The following PDE11A variants were observed in gnomAD, a reference collection of about 807,000 sequenced individuals.
PDE11A encodes dual 3',5'-cyclic-AMP and -GMP phosphodiesterase 11A.
In PDE11A, 100 loss-of-function variants were observed where a neutral mutation model predicts 100.5. That is an observed-to-expected ratio of 1.00 (90% confidence interval 0.85 to 1.18). PDE11A has a LOEUF of 1.18. PDE11A is among the 50% of genes most tolerant of loss of function. The probability of loss-of-function intolerance (pLI) is 0.00; values close to 1 mark genes in which losing one functional copy is unlikely to be tolerated. For synonymous variants in PDE11A, 381 were observed against 420.8 expected (o/e 0.91, Z 1.16); for missense variants, 1,141 against 1,152.6 (o/e 0.99, Z 0.15).
In PDE11A at chr2:177,733,696, C is replaced by T. The variant is rs545686114; in HGVS notation, c.1789-5524G>A. On this transcript the variant is annotated intron_variant, in intron 10 of 19. Coordinates refer to ENST00000286063, the MANE Select transcript of PDE11A (RefSeq NM_016953.4). ...CAAAAAGCAGTAGTCAGGAGCCTTA[C>T]GATTCTGGGATTAATGGAGACAGGA... is the stretch of plus-strand genomic sequence containing the variant. 2.6e-5 allele frequency among the ~76,000 whole-genome samples: 4 copies of T among 152,240 alleles called. No individual in the cohort carries two copies. The East Asian group carries it at 7.7e-4, about 29-fold the overall frequency.
chr2:177,728,308 TC>T, intron 10 of PDE11A, 136 bp from the exon 11 acceptor site: 1 of 583,898 alleles, frequency 1.7e-6, no homozygotes, highest in Non-Finnish European at 3.1e-6. Flanking sequence ...ACAGCTAAAC[TC>T]TGAGCTGTAA....
In PDE11A at chr2:177,937,069, C is replaced by T. The variant is rs573735657; in HGVS notation, c.1072-31882G>A. Among the ~76,000 whole-genome samples the T allele has an allele frequency of 2.0e-5, 3 of 152,036 alleles. No homozygotes were observed. The South Asian group carries it at 6.2e-4, about 32-fold the overall frequency. On this transcript the variant is annotated intron_variant, in intron 2 of 19. Coordinates refer to ENST00000286063, the MANE Select transcript of PDE11A (RefSeq NM_016953.4). ...CTATGCCCCTAAAATATTTGTGAGG[C>T]ATCTCTTTACACATTTCAACAGAAG...
chr2:177,725,088 C>T (rs2081581572), intron 12 of PDE11A, among the ~76,000 whole-genome samples: 1 of 152,076 alleles, frequency 6.6e-6, no homozygotes, highest in Non-Finnish European at 1.5e-5. Context: ...CTTTTAGAAT[C>T]TTCAGGAGTG....
intron 15 of PDE11A, among the ~76,000 whole-genome samples, chr2:177,684,102 G>T (rs1272030137): frequency 6.6e-6 from 1 of 152,136 alleles, no homozygotes; most frequent in African/African-American, 2.4e-5. Flanking sequence ...TCACTACATA[G>T]AAATTCATCT....
chr2:177,930,040 T>C (rs895726392), intron 2 of PDE11A, among the ~76,000 whole-genome samples: 17 of 152,376 alleles, frequency 1.1e-4, no homozygotes, highest in Middle Eastern at 3.4e-3. Flanking sequence ...TCAGTATCTG[T>C]ATGTGATTTG....
At chr2:177,637,573 A>G (rs143865016) in intron 19 of PDE11A, among the ~76,000 whole-genome samples, 201 of 151,696 alleles carry the variant, frequency 1.3e-3, no homozygotes, top group Middle Eastern at 3.4e-3. Flanking sequence ...CCAAGTTTTA[A>G]AAGTGCTGGT....
At chr2:177,854,411 T>C (rs1425000703) in intron 5 of PDE11A, among the ~76,000 whole-genome samples, 1 of 152,160 alleles carries the variant, frequency 6.6e-6, no homozygotes, top group Non-Finnish European at 1.5e-5. Context: ...ATTTGGAAGA[T>C]ACACAACTTC....
intron 12 of PDE11A, among the ~76,000 whole-genome samples, chr2:177,724,381 A>T (rs574480647): frequency 1.3e-5 from 2 of 152,162 alleles, no homozygotes; most frequent in African/African-American, 4.8e-5. Context: ...ATGAACCTGA[A>T]TACTTTTGCA....
chr2:177,927,906 A>G (rs1298687317), intron 2 of PDE11A, among the ~76,000 whole-genome samples: 1 of 152,040 alleles, frequency 6.6e-6, no homozygotes, highest in Non-Finnish European at 1.5e-5. Context: ...GGACTTCGAG[A>G]TCAGCCTGAC....
At chr2:177,955,178 C>A (rs942100009) in intron 2 of PDE11A, among the ~76,000 whole-genome samples, 1 of 152,168 alleles carries the variant, frequency 6.6e-6, no homozygotes, top group Admixed American at 6.5e-5. Flanking sequence ...TCTGTAACTA[C>A]AAGAGTCATC....
chr2:177,906,953 T>C (rs1398540811), intron 2 of PDE11A, among the ~76,000 whole-genome samples: 1 of 152,200 alleles, frequency 6.6e-6, no homozygotes, highest in Non-Finnish European at 1.5e-5. Context: ...AGGAGGAGAC[T>C]TATTTTAACT....
intron 2 of PDE11A, among the ~76,000 whole-genome samples, chr2:178,099,446 GAA>G (rs201692711): frequency 5.9e-5 from 5 of 84,554 alleles, no homozygotes; most frequent in African/African-American, 2.2e-4. Context: ...CATCTCAAGA[GAA>G]AAAAAAAAAA....
chr2:177,902,349 C>G (rs1210540674), intron 3 of PDE11A, among the ~76,000 whole-genome samples: 2 of 152,182 alleles, frequency 1.3e-5, no homozygotes, highest in African/African-American at 4.8e-5. Context: ...CCTTTGCTGA[C>G]TCCTTTTTCA....
At position 178,013,911 on chromosome 2, in the gene PDE11A, T is replaced by C. The variant is rs1430542810; in HGVS notation, c.1071+391A>G. On this transcript the variant is annotated intron_variant, in intron 2 of 19. Coordinates refer to ENST00000286063, the MANE Select transcript of PDE11A (RefSeq NM_016953.4). ...TAAGAACTGAGAAAACAATTCTTTG[T>C]TGTAGTTATAAAAATATAGGAGAAA... 4.6e-5 allele frequency among the ~76,000 whole-genome samples: 7 copies of C among 152,178 alleles called. No individual in the cohort carries two copies. The East Asian group carries it at 1.3e-3, about 29-fold the overall frequency.
intron 13 of PDE11A, among the ~76,000 whole-genome samples, chr2:177,707,570 T>G (rs2105419071): frequency 6.6e-6 from 1 of 152,342 alleles, no homozygotes; most frequent in Non-Finnish European, 1.5e-5. Flanking sequence ...GTAGACTGGT[T>G]TTCTTGTTTT....
chr2:177,718,524 G>A (rs560533446), intron 12 of PDE11A, among the ~76,000 whole-genome samples: 2 of 152,300 alleles, frequency 1.3e-5, no homozygotes, highest in Admixed American at 1.3e-4. Flanking sequence ...GATATTTTTA[G>A]TTTAAATATG....
At chr2:177,984,665 T>C (rs890044505) in intron 2 of PDE11A, among the ~76,000 whole-genome samples, 2 of 152,176 alleles carry the variant, frequency 1.3e-5, no homozygotes, top group African/African-American at 4.8e-5. Context: ...ATGCCAGATA[T>C]TGTGATAAGT....
At chr2:177,958,584 C>G (rs1318773558) in intron 2 of PDE11A, among the ~76,000 whole-genome samples, 1 of 152,216 alleles carries the variant, frequency 6.6e-6, no homozygotes, top group Non-Finnish European at 1.5e-5. Context: ...TAATCTCCCT[C>G]TTTTGGTTTC....
At chr2:178,025,113 T>C (rs924098626) in intron 1 of PDE11A, among the ~76,000 whole-genome samples, 1 of 152,202 alleles carries the variant, frequency 6.6e-6, no homozygotes, top group African/African-American at 2.4e-5. Context: ...TTGCAGAATT[T>C]CATTGCTGTA....
Sources: gnomAD v4.1 joint callset for allele counts (sites outside exome capture counted in the v4.1 genomes callset) on GRCh38, gnomAD v4.1.1 for gene constraint, MANE v1.5 for transcripts, NCBI Gene and HGNC (gene_info 2026-07-23, HGNC 2026-07-21) for gene names.